LMBR1: variants seen among roughly 807,000 people sequenced by gnomAD.
LMBR1 encodes the protein limb development membrane protein 1, also known as limb region 1 protein homolog.
In LMBR1, 52 loss-of-function variants were observed where a neutral mutation model predicts 73.9. The observed-to-expected ratio is 0.70, with a 90% CI of 0.56 to 0.89. LMBR1 has a LOEUF of 0.89. Among genes scored for constraint, LMBR1 ranks in the 40% least tolerant of loss-of-function variants. The probability of loss-of-function intolerance (pLI) is 0.00; values close to 1 mark genes in which losing one functional copy is unlikely to be tolerated. For missense variants in LMBR1, 539 were observed against 579.8 expected (o/e 0.93, Z 0.72); for synonymous variants, 215 against 209.4 (o/e 1.03, Z -0.23).
At chr7:156,705,623 G>A (rs1327967174) in intron 15 of LMBR1, among the ~76,000 whole-genome samples, 2 of 152,208 alleles carry the variant, frequency 1.3e-5, no homozygotes, top group African/African-American at 4.8e-5. Context: ...CTTCATACAT[G>A]AAGGAGAGAT....
rs979711635 is a variant in LMBR1, at chr7:156,734,224, T to C, written c.791A>G (p.Glu264Gly). Residue 264 changes from glutamate to glycine, a missense_variant, in exon 10 of 17, where the codon GAG becomes GGG. Glu to Gly is a moderately conservative substitution (Grantham distance 98, BLOSUM62 -2). This residue lies in a region of LMBR1 where 454 missense variants were observed against 473.4 expected (regional missense o/e 0.96). Transcript: ENST00000353442. ...TACATTTTCAAGTTCTTGTTCCAACTCCATTATGTTGTATTCCACCGATGA... is the reference window on the plus strand; with the variant it reads ...TACATTTTCAAGTTCTTGTTCCAACCCCATTATGTTGTATTCCACCGATGA... ...LSSSVEYNIM[E>G]LEQELENVKT... The C allele has an allele frequency of 6.2e-7, 1 of 1,609,262 alleles. No homozygotes were observed. The highest frequency in any genetic ancestry group is 8.5e-7 in the Non-Finnish European group (1 of 1,178,618).
At chr7:156,756,251 A>C in intron 9 of LMBR1, 142 bp downstream of exon 9, 1 of 544,012 alleles carries the variant, frequency 1.8e-6, no homozygotes, top group Non-Finnish European at 3.2e-6. Flanking sequence ...TCACCAGGGA[A>C]GTTCTTTTAT....
At position 156,799,832 on chromosome 7, in the gene LMBR1, C is replaced by A. The variant is rs117215504; in HGVS notation, c.320-3340G>T. Among the ~76,000 whole-genome samples the A allele has an allele frequency of 1.9e-3, 290 of 152,278 alleles. 8 individuals are homozygous for A. In the East Asian group the frequency reaches 0.05, roughly 26 times the overall value. On this transcript the variant is annotated intron_variant, in intron 4 of 16. Transcript: ENST00000353442. ...TTAAAGTGCTACTCCAGTGAACACA[C>A]AAATGACAAGAAAGCAAAACAGCCT...
intron 9 of LMBR1, among the ~76,000 whole-genome samples, chr7:156,740,788 A>G (rs1195528600): frequency 6.6e-6 from 1 of 152,236 alleles, no homozygotes. Context: ...TTAATGAGCC[A>G]TAAGAAATCA....
intron 1 of LMBR1, among the ~76,000 whole-genome samples, chr7:156,848,080 A>G: frequency 6.6e-6 from 1 of 152,020 alleles, no homozygotes; most frequent in Non-Finnish European, 1.5e-5. Flanking sequence ...AAAAAAATGC[A>G]AAAGATGGAG....
chr7:156,719,717 C>T (rs1025868328), intron 15 of LMBR1, among the ~76,000 whole-genome samples: 1 of 152,078 alleles, frequency 6.6e-6, no homozygotes, highest in Non-Finnish European at 1.5e-5. Flanking sequence ...TACAAGGCTA[C>T]AGTAACCAAA....
At chr7:156,873,859 G>C (rs1315903430) in intron 1 of LMBR1, among the ~76,000 whole-genome samples, 1 of 152,214 alleles carries the variant, frequency 6.6e-6, no homozygotes, top group Non-Finnish European at 1.5e-5. Context: ...AACACAGGGT[G>C]CTGACTGGTG....
intron 8 of LMBR1, among the ~76,000 whole-genome samples, 181 bp downstream of exon 8, chr7:156,761,953 G>A (rs1823098412): frequency 7.2e-6 from 1 of 139,410 alleles, no homozygotes. Context: ...CTCCAGCCTG[G>A]GCGACAGAGC....
chr7:156,728,613 C>T, intron 11 of LMBR1, 31 bp downstream of exon 11: 5 of 1,495,768 alleles, frequency 3.3e-6, no homozygotes, highest in South Asian at 1.2e-5. Flanking sequence ...ATATAATTTG[C>T]TTTTATTTAA....
At chr7:156,865,474 A>G (rs898746373) in intron 1 of LMBR1, among the ~76,000 whole-genome samples, 1 of 152,228 alleles carries the variant, frequency 6.6e-6, no homozygotes, top group Non-Finnish European at 1.5e-5. Context: ...CATGGATTGG[A>G]GAATTTAATA....
At chr7:156,829,735 G>C (rs1052285984) in intron 3 of LMBR1, among the ~76,000 whole-genome samples, 4 of 152,084 alleles carry the variant, frequency 2.6e-5, no homozygotes, top group African/African-American at 9.7e-5. Flanking sequence ...AATGAAAAAA[G>C]GGGTATGATC....
chr7:156,789,049 AAAAT>A (rs901991414), intron 5 of LMBR1, among the ~76,000 whole-genome samples: 3 of 152,288 alleles, frequency 2.0e-5, no homozygotes, highest in African/African-American at 7.2e-5. Flanking sequence ...TCTGTCTCTA[AAAAT>A]AAATAAATAA....
At chr7:156,852,873 A>T (rs1796425819) in intron 1 of LMBR1, among the ~76,000 whole-genome samples, 1 of 152,234 alleles carries the variant, frequency 6.6e-6, no homozygotes, top group Non-Finnish European at 1.5e-5. Flanking sequence ...ACTGCCAAAA[A>T]AGTACAGAAG....
At chr7:156,832,474 C>A (rs533160929) in intron 3 of LMBR1, among the ~76,000 whole-genome samples, 9 of 152,308 alleles carry the variant, frequency 5.9e-5, no homozygotes, top group African/African-American at 2.2e-4. Context: ...ATTCTCCTCT[C>A]CCTCAGCTCC....
chr7:156,793,082 A>G (rs1345049555), intron 5 of LMBR1, among the ~76,000 whole-genome samples: 1 of 152,250 alleles, frequency 6.6e-6, no homozygotes, highest in East Asian at 1.9e-4. Context: ...TTAAAGGAAT[A>G]TACATAAATA....
At chr7:156,780,376 C>T (rs1411313264) in intron 5 of LMBR1, among the ~76,000 whole-genome samples, 2 of 151,982 alleles carry the variant, frequency 1.3e-5, no homozygotes, top group Admixed American at 6.5e-5. Flanking sequence ...CAGAAATTCC[C>T]CATGATATTA....
chr7:156,785,159 C>A (rs1827848163), intron 5 of LMBR1, among the ~76,000 whole-genome samples: 2 of 152,062 alleles, frequency 1.3e-5, no homozygotes, highest in Admixed American at 6.6e-5. Flanking sequence ...CACCTGTAAT[C>A]CCAGCTACTT....
chr7:156,787,936 C>G (rs978159824), intron 5 of LMBR1, among the ~76,000 whole-genome samples: 4 of 152,188 alleles, frequency 2.6e-5, no homozygotes, highest in African/African-American at 9.7e-5. Flanking sequence ...ACCACCACAC[C>G]TGGCTAATTT....
Position 156,692,516 on chromosome 7 carries a change from A to G in LMBR1, c.1226-4325T>C, listed in dbSNP as rs1057509265. Among the ~76,000 whole-genome samples the G allele has an allele frequency of 2.0e-5, 3 of 152,254 alleles. No individual in the cohort carries two copies. In the East Asian group the frequency reaches 5.8e-4, roughly 29 times the overall value. On this transcript the variant is annotated intron_variant, in intron 15 of 16. Coordinates refer to ENST00000353442, the MANE Select transcript of LMBR1 (RefSeq NM_022458.4). ...TTTTCCCTCTCAACTTTATAAACTGAAATACTGAACAAAGTATATGAAACA... is the reference window on the plus strand; with the variant it reads ...TTTTCCCTCTCAACTTTATAAACTGGAATACTGAACAAAGTATATGAAACA...
Sources: allele counts gnomAD v4.1 joint callset (sites outside exome capture counted in the v4.1 genomes callset), GRCh38; gene constraint gnomAD v4.1.1; regional missense constraint gnomAD v4.1.1; transcripts MANE v1.5; gene names NCBI Gene and HGNC (gene_info 2026-07-23, HGNC 2026-07-21).